Variants in ZNF385D observed in about 807,000 individuals in gnomAD.
ZNF385D encodes zinc finger protein 385D, also known as zinc finger protein 659.
In ZNF385D, 15 loss-of-function variants were observed where a neutral mutation model predicts 35.8. The ratio of observed to expected loss-of-function variants is 0.42; its 90% CI spans 0.28 to 0.64. The LOEUF (loss-of-function observed/expected upper bound fraction) is 0.64. Among genes scored for constraint, ZNF385D ranks in the 30% least tolerant of loss-of-function variants. The probability of loss-of-function intolerance (pLI) is 0.23; values close to 1 mark genes in which losing one functional copy is unlikely to be tolerated. For missense variants in ZNF385D, 474 were observed against 494.6 expected (o/e 0.96, Z 0.39); for synonymous variants, 212 against 186.8 (o/e 1.13, Z -1.10).
chr3:21,428,009 A>G (rs1488833791), intron 5 of ZNF385D, among the ~76,000 whole-genome samples: 1 of 152,170 alleles, frequency 6.6e-6, no homozygotes, highest in Non-Finnish European at 1.5e-5. Flanking sequence ...ACTTTTAAAC[A>G]GTGTAACCTC....
chr3:22,312,367 C>T (rs1703608432), intron 2 of ZNF385D, among the ~76,000 whole-genome samples: 1 of 152,096 alleles, frequency 6.6e-6, no homozygotes, highest in African/African-American at 2.4e-5. Flanking sequence ...GTTCAAAATA[C>T]TCCGAAACCC....
At chr3:21,739,969 C>G (rs564584270) in intron 1 of ZNF385D, among the ~76,000 whole-genome samples, 5 of 152,274 alleles carry the variant, frequency 3.3e-5, no homozygotes, top group African/African-American at 1.2e-4. Context: ...TCAAAGAGAT[C>G]AAGTTGCTTG....
At chr3:22,075,642 C>G (rs550704966) in intron 3 of ZNF385D, among the ~76,000 whole-genome samples, 1 of 151,942 alleles carries the variant, frequency 6.6e-6, no homozygotes, top group East Asian at 1.9e-4. Context: ...ATCTTGAAGG[C>G]TTATGCTTGA....
chr3:22,062,087 G>T (rs1037396798), intron 3 of ZNF385D, among the ~76,000 whole-genome samples: 1 of 152,022 alleles, frequency 6.6e-6, no homozygotes. Context: ...GCCCAGGCTG[G>T]AGTGCAGTGG....
chr3:21,716,493 A>G (rs896701323), intron 1 of ZNF385D, among the ~76,000 whole-genome samples: 1 of 152,050 alleles, frequency 6.6e-6, no homozygotes, highest in Admixed American at 6.5e-5. Flanking sequence ...TCTCTGACAT[A>G]CCAGAGACAG....
chr3:22,080,020 G>T (rs984250630), intron 3 of ZNF385D, among the ~76,000 whole-genome samples: 8 of 152,008 alleles, frequency 5.3e-5, no homozygotes, highest in African/African-American at 1.7e-4. Flanking sequence ...TATCAAAGTT[G>T]TTACACTTTC....
intron 3 of ZNF385D, among the ~76,000 whole-genome samples, chr3:21,842,458 G>T (rs190091766): frequency 6.6e-6 from 1 of 151,952 alleles, no homozygotes; most frequent in East Asian, 1.9e-4. Context: ...TGACTCATAT[G>T]TGAAAGGCCA....
intron 3 of ZNF385D, among the ~76,000 whole-genome samples, chr3:21,983,249 G>A (rs2125375733): frequency 7.0e-6 from 1 of 142,676 alleles, no homozygotes; most frequent in South Asian, 2.3e-4. Context: ...GTGCCATGCT[G>A]GTGCGCTGCA....
At chr3:21,877,167 C>T (rs765149854) in intron 3 of ZNF385D, among the ~76,000 whole-genome samples, 2 of 151,968 alleles carry the variant, frequency 1.3e-5, no homozygotes, top group African/African-American at 2.4e-5. Flanking sequence ...CACTGAGACT[C>T]GATAAACAAG....
intron 2 of ZNF385D, among the ~76,000 whole-genome samples, chr3:22,352,647 G>T (rs1695969525): frequency 6.6e-6 from 1 of 152,074 alleles, no homozygotes; most frequent in African/African-American, 2.4e-5. Context: ...ATCACTAAAG[G>T]TTTATGTACA....
At chr3:21,509,632 C>T (rs1347091922) in intron 4 of ZNF385D, among the ~76,000 whole-genome samples, 1 of 152,000 alleles carries the variant, frequency 6.6e-6, no homozygotes, top group African/African-American at 2.4e-5. Flanking sequence ...AGAACCAAAC[C>T]AAAGGAGTGA....
intron 3 of ZNF385D, among the ~76,000 whole-genome samples, chr3:21,872,225 T>C (rs762826945): frequency 1.3e-5 from 2 of 152,138 alleles, no homozygotes; most frequent in Non-Finnish European, 2.9e-5. Flanking sequence ...TCGAGTAATA[T>C]ATGTGGCGAC....
chr3:22,365,949 C>A (rs926899897), intron 2 of ZNF385D, among the ~76,000 whole-genome samples: 3 of 151,912 alleles, frequency 2.0e-5, no homozygotes, highest in African/African-American at 7.3e-5. Context: ...TTTATTGTTT[C>A]CCAAAATAAG....
At chr3:21,764,289 T>C (rs1224814696) in intron 3 of ZNF385D, among the ~76,000 whole-genome samples, 1 of 152,082 alleles carries the variant, frequency 6.6e-6, no homozygotes, top group Non-Finnish European at 1.5e-5. Context: ...TAGTATTAGT[T>C]AGGAGAAGTA....
intron 3 of ZNF385D, among the ~76,000 whole-genome samples, chr3:22,069,019 G>A (rs536832047): frequency 1.3e-5 from 2 of 152,234 alleles, no homozygotes; most frequent in African/African-American, 4.8e-5. Flanking sequence ...CATGCTCAGT[G>A]TTTTACTGTC....
rs1415525578 is a variant in ZNF385D, at chr3:21,761,476, T to C, written c.326-96448A>G. Among the ~76,000 whole-genome samples, 6 of 152,200 alleles carry C rather than the reference T, an allele frequency of 3.9e-5. No individual in the cohort carries two copies. The East Asian group carries it at 1.2e-3, about 29-fold the overall frequency. ...TGGTCTAGAATTCAGCTAAGACAGA[T>C]ATAGGATCCTGGAAGCCTGTATCCC... is the stretch of plus-strand genomic sequence containing the variant. On this transcript the variant is annotated intron_variant, in intron 3 of 5. Transcript: ENST00000494108.
At chr3:21,880,061 G>A (rs1385849720) in intron 3 of ZNF385D, among the ~76,000 whole-genome samples, 2 of 151,890 alleles carry the variant, frequency 1.3e-5, no homozygotes, top group Non-Finnish European at 2.9e-5. Context: ...TATGCAAATA[G>A]CATGCAAATT....
At chr3:21,840,968 A>G (rs1425745758) in intron 3 of ZNF385D, among the ~76,000 whole-genome samples, 1 of 152,068 alleles carries the variant, frequency 6.6e-6, no homozygotes, top group Non-Finnish European at 1.5e-5. Context: ...ACATGTATCC[A>G]ATCTGGGTTG....
At chr3:22,082,358 C>T (rs1700796518) in intron 3 of ZNF385D, among the ~76,000 whole-genome samples, 1 of 152,164 alleles carries the variant, frequency 6.6e-6, no homozygotes, top group Non-Finnish European at 1.5e-5. Context: ...TAATACTGCA[C>T]TTTTCCAATG....
Sources: allele counts gnomAD v4.1 joint callset (sites outside exome capture counted in the v4.1 genomes callset), GRCh38; gene constraint gnomAD v4.1.1; transcripts MANE v1.5; gene names NCBI Gene and HGNC (gene_info 2026-07-23, HGNC 2026-07-21).